Variants in SLF1 observed in about 807,000 individuals in gnomAD.
SLF1 encodes SMC5-SMC6 complex localization factor protein 1.
A neutral mutation model predicts 123.0 loss-of-function variants in SLF1; 105 were observed. The ratio of observed to expected loss-of-function variants is 0.85; its 90% CI spans 0.73 to 1.00. The LOEUF (loss-of-function observed/expected upper bound fraction) is 1.00, where lower values mean the gene tolerates loss of function less well. SLF1 is among the 50% of genes least tolerant of loss of function. The pLI is 0.00. For missense variants in SLF1, 1,239 were observed against 1,223.0 expected (o/e 1.01, Z -0.20); for synonymous variants, 434 against 406.6 (o/e 1.07, Z -0.81).
chr5:94,624,504 G>C (rs1431749824), intron 1 of SLF1, among the ~76,000 whole-genome samples: 1 of 151,954 alleles, frequency 6.6e-6, no homozygotes, highest in Non-Finnish European at 1.5e-5. Flanking sequence ...ATTTATACAT[G>C]AAACCAAAAT....
chr5:94,693,199 A>G (rs1753223408), intron 20 of SLF1, among the ~76,000 whole-genome samples: 1 of 152,052 alleles, frequency 6.6e-6, no homozygotes, highest in South Asian at 2.1e-4. Flanking sequence ...AGTTTAAGAC[A>G]TTTGGTTATA....
chr5:94,663,945 A>C, intron 11 of SLF1, 37 bp downstream of exon 11: 2 of 1,444,574 alleles, frequency 1.4e-6, no homozygotes, highest in Non-Finnish European at 1.8e-6. Flanking sequence ...TCTTTTTTTC[A>C]AAGAATGTTA....
At chr5:94,653,502 A>C in intron 8 of SLF1, 81 bp downstream of exon 8, 1 of 1,210,490 alleles carries the variant, frequency 8.3e-7, no homozygotes, top group Non-Finnish European at 1.1e-6. Flanking sequence ...ATAATGCTAC[A>C]TGTTTTAAGA....
At chr5:94,684,515 G>A (rs532783593) in intron 15 of SLF1, among the ~76,000 whole-genome samples, 6 of 151,832 alleles carry the variant, frequency 4.0e-5, no homozygotes, top group Admixed American at 2.0e-4. Context: ...TGGCTAACAC[G>A]GTGAAACCCT....
chr5:94,683,683 G>C (rs1752079818), intron 15 of SLF1, among the ~76,000 whole-genome samples: 1 of 152,178 alleles, frequency 6.6e-6, no homozygotes, highest in African/African-American at 2.4e-5. Flanking sequence ...GATGGGAAGA[G>C]AGGCCAGAAT....
At chr5:94,645,318 A>G (rs1220802728) in intron 5 of SLF1, among the ~76,000 whole-genome samples, 2 of 152,218 alleles carry the variant, frequency 1.3e-5, no homozygotes, top group Non-Finnish European at 2.9e-5. Context: ...GAGTGTAGAC[A>G]TAGAATCTAG....
chr5:94,676,724 T>C (rs1561466214), intron 14 of SLF1, among the ~76,000 whole-genome samples: 1 of 152,270 alleles, frequency 6.6e-6, no homozygotes, highest in Admixed American at 6.5e-5. Context: ...GCACACATGC[T>C]ACTGGTCCTG....
intron 12 of SLF1, among the ~76,000 whole-genome samples, chr5:94,668,216 C>T (rs1421969377): frequency 2.0e-5 from 3 of 152,110 alleles, no homozygotes; most frequent in Non-Finnish European, 2.9e-5. Context: ...TCATAGCTCA[C>T]TGCAATCTTG....
intron 15 of SLF1, among the ~76,000 whole-genome samples, chr5:94,684,372 G>C (rs1339798281): frequency 6.6e-6 from 1 of 152,146 alleles, no homozygotes; most frequent in Non-Finnish European, 1.5e-5. Context: ...AGAACGGGTT[G>C]TAAGTAATTC....
intron 9 of SLF1, among the ~76,000 whole-genome samples, chr5:94,656,503 G>A (rs182308388): frequency 1.2e-3 from 181 of 152,070 alleles, no homozygotes; most frequent in African/African-American, 3.9e-3. Context: ...TGGTGGCCTT[G>A]TAGAACGAGT....
chr5:94,649,807 A>C (rs141288989), intron 6 of SLF1, among the ~76,000 whole-genome samples: 1 of 152,268 alleles, frequency 6.6e-6, no homozygotes, highest in African/African-American at 2.4e-5. Context: ...ATAGAAATAC[A>C]CAGAGTTCCT....
intron 4 of SLF1, among the ~76,000 whole-genome samples, chr5:94,631,558 G>T (rs1221363386): frequency 6.6e-6 from 1 of 152,122 alleles, no homozygotes; most frequent in Non-Finnish European, 1.5e-5. Flanking sequence ...GTATTATTAA[G>T]ATTCATCCAT....
At chr5:94,665,437 G>A (rs766512277) in intron 11 of SLF1, among the ~76,000 whole-genome samples, 5 of 151,826 alleles carry the variant, frequency 3.3e-5, no homozygotes, top group South Asian at 4.2e-4. Flanking sequence ...GTCTAAACAC[G>A]TATATTTGGC....
rs1160521103 is a variant in SLF1, at chr5:94,639,474, A to G, written c.432-3799A>G. Reference sequence around the variant, plus strand: ...GGTTGCTGTAATATATACAGTGTCCATCTTTAACTGTTCATAGTCAAATGT... The same window carrying G: ...GGTTGCTGTAATATATACAGTGTCCGTCTTTAACTGTTCATAGTCAAATGT... On this transcript the variant is annotated intron_variant, in intron 4 of 20. Coordinates refer to ENST00000265140, the MANE Select transcript of SLF1 (RefSeq NM_032290.4). Among the ~76,000 whole-genome samples the G allele has an allele frequency of 2.0e-5, 3 of 152,050 alleles. No individual in the cohort carries two copies. In the South Asian group the frequency reaches 6.2e-4, roughly 31 times the overall value.
chr5:94,622,344 A>G (rs1467004155), intron 1 of SLF1, among the ~76,000 whole-genome samples: 1 of 152,216 alleles, frequency 6.6e-6, no homozygotes, highest in African/African-American at 2.4e-5. Flanking sequence ...TTGCTGTAAA[A>G]GTAGGTTTAA....
chr5:94,660,562 T>C (rs1748979322), intron 9 of SLF1, among the ~76,000 whole-genome samples: 1 of 152,176 alleles, frequency 6.6e-6, no homozygotes, highest in Non-Finnish European at 1.5e-5. Flanking sequence ...CAAGGCGGTC[T>C]GATCCCCACG....
chr5:94,693,011 T>C (rs1753201034), intron 20 of SLF1, among the ~76,000 whole-genome samples: 1 of 152,168 alleles, frequency 6.6e-6, no homozygotes, highest in African/African-American at 2.4e-5. Flanking sequence ...GCTTAGAATA[T>C]GGAAACAAAG....
intron 9 of SLF1, among the ~76,000 whole-genome samples, chr5:94,661,815 G>T (rs1273172537): frequency 6.6e-6 from 1 of 152,184 alleles, no homozygotes; most frequent in Non-Finnish European, 1.5e-5. Context: ...GGGATTACAG[G>T]TGTGAGCCAC....
At chr5:94,668,385 G>A (rs1166076972) in intron 12 of SLF1, among the ~76,000 whole-genome samples, 1 of 151,844 alleles carries the variant, frequency 6.6e-6, no homozygotes, top group Non-Finnish European at 1.5e-5. Context: ...CCAGGCTGGA[G>A]TGCAGTGGTG....
Sources: allele counts gnomAD v4.1 joint callset (sites outside exome capture counted in the v4.1 genomes callset), GRCh38; gene constraint gnomAD v4.1.1; transcripts MANE v1.5; gene names NCBI Gene and HGNC (gene_info 2026-07-23, HGNC 2026-07-21).